The following PRUNE1 variants were observed in gnomAD, a reference collection of about 807,000 sequenced individuals.
The protein encoded by PRUNE1 is exopolyphosphatase PRUNE1.
A neutral mutation model predicts 42.5 loss-of-function variants in PRUNE1; 25 were observed. The ratio of observed to expected loss-of-function variants is 0.59; its 90% CI spans 0.43 to 0.82. The LOEUF (loss-of-function observed/expected upper bound fraction) is 0.82, where lower values mean the gene tolerates loss of function less well. PRUNE1 is among the 40% of genes least tolerant of loss of function. The probability of loss-of-function intolerance (pLI) is 0.00; values close to 1 mark genes in which losing one functional copy is unlikely to be tolerated. For missense variants in PRUNE1, 443 were observed against 539.3 expected (o/e 0.82, Z 1.77); for synonymous variants, 203 against 217.1 (o/e 0.93, Z 0.57).
At chr1:151,025,448 T>C (rs1674767358) in intron 4 of PRUNE1, 67 bp from the exon 5 acceptor site, 6 of 1,485,362 alleles carry the variant, frequency 4.0e-6, no homozygotes, top group Non-Finnish European at 5.5e-6. Context: ...GTGAAGGTTA[T>C]ATATGTTCTG....
intron 1 of PRUNE1, among the ~76,000 whole-genome samples, chr1:151,012,736 C>T (rs1673849390): frequency 6.6e-6 from 1 of 152,136 alleles, no homozygotes. Context: ...ATCCTCCTAA[C>T]AACATCATGA....
intron 3 of PRUNE1, among the ~76,000 whole-genome samples, chr1:151,023,755 T>C (rs1571796806): frequency 6.8e-6 from 1 of 147,888 alleles, no homozygotes; most frequent in Non-Finnish European, 1.5e-5. Context: ...AGATGTTGGG[T>C]ATCAAGGGTG....
chr1:151,032,281 AAC>A (rs1675286623), intron 7 of PRUNE1, among the ~76,000 whole-genome samples: 1 of 151,766 alleles, frequency 6.6e-6, no homozygotes, highest in Non-Finnish European at 1.5e-5. Context: ...AAATAAATAA[AAC>A]ACTGTGTATG....
chr1:151,023,175 C>T (rs759227781), intron 3 of PRUNE1, among the ~76,000 whole-genome samples: 6 of 152,000 alleles, frequency 3.9e-5, no homozygotes, highest in Non-Finnish European at 8.8e-5. Flanking sequence ...TATTCTGGGT[C>T]CTAAAAGAAT....
At chr1:151,029,575 GC>G (rs1268453959) in intron 7 of PRUNE1, among the ~76,000 whole-genome samples, 3 of 151,520 alleles carry the variant, frequency 2.0e-5, no homozygotes, top group South Asian at 4.2e-4. Context: ...CACCGTGTTA[GC>G]CAGGATAGTC....
At chr1:151,028,515 C>G (rs1436409816) in intron 6 of PRUNE1, among the ~76,000 whole-genome samples, 2 of 152,106 alleles carry the variant, frequency 1.3e-5, no homozygotes, top group African/African-American at 4.8e-5. Context: ...CTTCCGCCTC[C>G]CTGGTTCAAG....
intron 3 of PRUNE1, among the ~76,000 whole-genome samples, chr1:151,022,416 A>AT (rs35567560): frequency 7.3e-4 from 99 of 135,146 alleles, no homozygotes; most frequent in Non-Finnish European, 9.3e-4. Context: ...GGCCTGGCTA[A>AT]TTTTTTTTTT....
intron 3 of PRUNE1, among the ~76,000 whole-genome samples, chr1:151,020,567 A>G (rs1351559870): frequency 6.6e-6 from 1 of 152,128 alleles, no homozygotes; most frequent in Admixed American, 6.5e-5. Context: ...GTTCAAGACC[A>G]GCTTGGGCAA....
At chr1:151,033,687 G>T in intron 7 of PRUNE1, 119 bp from the exon 8 acceptor site, 1 of 1,014,776 alleles carries the variant, frequency 9.9e-7, no homozygotes, top group Non-Finnish European at 1.4e-6. Context: ...ACCGCACCCC[G>T]CCCGGCCGAC....
intron 7 of PRUNE1, among the ~76,000 whole-genome samples, chr1:151,030,852 T>A (rs1385936273): frequency 6.6e-6 from 1 of 152,192 alleles, no homozygotes; most frequent in East Asian, 1.9e-4. Flanking sequence ...TTACTCACTC[T>A]TTGAGCTAAG....
intron 3 of PRUNE1, among the ~76,000 whole-genome samples, chr1:151,023,015 G>T (rs1674573131): frequency 1.3e-5 from 2 of 152,150 alleles, no homozygotes; most frequent in Admixed American, 1.3e-4. Flanking sequence ...AATTTGTTTT[G>T]CACAGCTGGA....
At chr1:151,018,349 A>G (rs3738480) in intron 2 of PRUNE1, 118 bp from the exon 3 acceptor site, 671,299 of 890,738 alleles carry the variant, frequency 0.75, 254,625 homozygotes, top group South Asian at 0.88. Context: ...CTGGGTACTT[A>G]TGGCTTTGAG....
Position 151,034,194 on chromosome 1 carries a change from C to G in PRUNE1, c.1322C>G (p.Ser441Ter). ...GTCTTCGAGAAGTGCAGTCAGATCT[C>G]ACTGTCACAGTCTACCACAGCCTCC... ...EAVFEKCSQI[S>*]LSQSTTASLS... Residue 441 changes from serine (S) to a stop codon, truncating the protein, a stop_gained, in exon 8 of 8, where the codon TCA (serine) becomes TGA (stop). Coordinates refer to ENST00000271620, the MANE Select transcript of PRUNE1 (RefSeq NM_021222.3). LOFTEE classifies it high-confidence loss of function. 6.2e-7 allele frequency: 1 copy of G among 1,613,850 alleles called. No homozygotes were observed. The highest frequency in any genetic ancestry group is 8.5e-7 in the Non-Finnish European group (1 of 1,179,948).
rs113546506 is a variant in PRUNE1, at chr1:151,008,479, A to T, written c.-154A>T. ...CTTACGCAGTTCCTCCCGGGGTCGGAGGCCGATTCGCCGTGTGGCGGGTTC... is the reference window on the plus strand; with the variant it reads ...CTTACGCAGTTCCTCCCGGGGTCGGTGGCCGATTCGCCGTGTGGCGGGTTC... On this transcript the variant is annotated 5_prime_UTR_variant, in exon 1 of 8. Transcript: ENST00000271620. 441 of 1,183,434 alleles carry T rather than the reference A, an allele frequency of 3.7e-4. 3 individuals are homozygous for T. The African/African-American group carries it at 6.0e-3, about 16-fold the overall frequency. The allele number at this position is 1,183,434 out of a possible 1,614,324, so 73.3% of individuals were successfully genotyped here. A position where few individuals can be genotyped will look rare whatever the true frequency, so the allele number is the denominator to read the frequency against.
intron 3 of PRUNE1, among the ~76,000 whole-genome samples, chr1:151,020,939 G>A (rs1326952017): frequency 6.6e-6 from 1 of 151,266 alleles, no homozygotes; most frequent in Non-Finnish European, 1.5e-5. Context: ...CTGAGATCAT[G>A]CCACTTGCAC....
intron 3 of PRUNE1, among the ~76,000 whole-genome samples, chr1:151,020,200 C>T (rs990511942): frequency 2.2e-5 from 3 of 135,928 alleles, no homozygotes; most frequent in Admixed American, 1.4e-4. Flanking sequence ...CTTAGGGAGA[C>T]CTGTCTGACC....
intron 7 of PRUNE1, 142 bp downstream of exon 7, chr1:151,029,086 G>C: frequency 3.8e-6 from 3 of 781,384 alleles, no homozygotes; most frequent in Non-Finnish European, 5.7e-6. Context: ...CCTGTTTCTG[G>C]ACCTGTTTCC....
intron 7 of PRUNE1, among the ~76,000 whole-genome samples, chr1:151,033,415 C>T (rs1412176186): frequency 8.9e-6 from 1 of 112,912 alleles, no homozygotes; most frequent in Non-Finnish European, 1.8e-5. Context: ...TTTTGAGATG[C>T]AGTGTTGCTC....
chr1:151,019,716 G>T (rs937620365), intron 3 of PRUNE1, among the ~76,000 whole-genome samples: 1 of 151,848 alleles, frequency 6.6e-6, no homozygotes, highest in Non-Finnish European at 1.5e-5. Flanking sequence ...TGCCCAGGCG[G>T]ATCTCAAATT....
Sources: allele counts gnomAD v4.1 joint callset (sites outside exome capture counted in the v4.1 genomes callset), GRCh38; gene constraint gnomAD v4.1.1; transcripts MANE v1.5; gene names NCBI Gene and HGNC (gene_info 2026-07-23, HGNC 2026-07-21).